Variants in PDIA5 observed in about 807,000 individuals in gnomAD.
PDIA5 encodes protein disulfide-isomerase A5.
PDIA5 carries 58 observed loss-of-function variants against 77.6 expected under a neutral mutation model. The observed-to-expected ratio is 0.75, with a 90% CI of 0.61 to 0.93. The LOEUF is 0.93. Ranked by LOEUF, PDIA5 falls within the 40% of genes least tolerant of loss-of-function variation. PDIA5 has a pLI of 0.00. For synonymous variants in PDIA5, 250 were observed against 252.1 expected (o/e 0.99, Z 0.08); for missense variants, 630 against 647.7 (o/e 0.97, Z 0.30).
At chr3:123,149,090 G>C (rs567065678) in intron 13 of PDIA5, among the ~76,000 whole-genome samples, 21 of 152,338 alleles carry the variant, frequency 1.4e-4, no homozygotes, top group African/African-American at 4.3e-4. Flanking sequence ...CAGGGAGGAA[G>C]GCTGGGAGGG....
At chr3:123,078,349 C>A (rs1237172502) in intron 1 of PDIA5, among the ~76,000 whole-genome samples, 2 of 152,120 alleles carry the variant, frequency 1.3e-5, no homozygotes, top group Non-Finnish European at 2.9e-5. Flanking sequence ...ATCAGAAGGC[C>A]CATGCAAGAG....
rs1376522170 is a variant in PDIA5 at position 123,124,161 on chromosome 3, C to T, written c.701+4C>T. On this transcript the variant is annotated splice_donor_region_variant and intron_variant, in intron 9 of 16. Coordinates refer to ENST00000316218, the MANE Select transcript of PDIA5 (RefSeq NM_006810.4). ...TCCCCACCATCTGCTATTTTGAGTA[C>T]GTCCCCCACTTTCCTTCTAAAGCTC... 4.3e-6 allele frequency: 7 copies of T among 1,609,834 alleles called. No homozygotes were observed. Among genetic ancestry groups the T allele is most frequent in the East Asian group, 2.2e-5 (1 of 44,884 alleles).
intron 8 of PDIA5, 129 bp from the exon 9 acceptor site, chr3:123,123,937 T>G: frequency 1.5e-6 from 1 of 666,256 alleles, no homozygotes; most frequent in Non-Finnish European, 2.7e-6. Flanking sequence ...GCAGCCCTGA[T>G]GCACATCAGT....
At chr3:123,110,408 G>C (rs1934832600) in intron 6 of PDIA5, among the ~76,000 whole-genome samples, 1 of 152,158 alleles carries the variant, frequency 6.6e-6, no homozygotes, top group Admixed American at 6.5e-5. Flanking sequence ...CTGGAGCCTG[G>C]GGAGAGATTA....
intron 3 of PDIA5, among the ~76,000 whole-genome samples, chr3:123,094,385 A>C (rs1201067126): frequency 2.0e-5 from 3 of 152,252 alleles, no homozygotes; most frequent in Non-Finnish European, 4.4e-5. Context: ...GAGTAGCCCA[A>C]GGTTCAGAAC....
chr3:123,104,472 A>C (rs1934684083), intron 5 of PDIA5, among the ~76,000 whole-genome samples: 1 of 152,184 alleles, frequency 6.6e-6, no homozygotes, highest in African/African-American at 2.4e-5. Context: ...CCCCGACAGG[A>C]GGGGCCCATC....
At chr3:123,129,420 C>T (rs188228340) in intron 10 of PDIA5, among the ~76,000 whole-genome samples, 131 of 152,308 alleles carry the variant, frequency 8.6e-4, no homozygotes, top group Non-Finnish European at 1.4e-3. Flanking sequence ...TACCCGGCTG[C>T]GGAGGGAAGT....
rs1934625998 is a variant in PDIA5 at position 123,102,481 on chromosome 3, T to C, written c.328T>C (p.Leu110=). The part of the protein sequence containing the change: ...DLSPKDKKVE[L]FHYQDGAFHT... ...GAGCCCGAAGGACAAAAAGGTTGAA[T>C]TATTCCATTACCAGTAAGTACACAT... Residue 110 remains leucine, a synonymous_variant, in exon 4 of 17, where the codon TTA becomes CTA. Coordinates refer to ENST00000316218, the MANE Select transcript of PDIA5 (RefSeq NM_006810.4). 1 of 1,613,108 alleles carries C rather than the reference T, an allele frequency of 6.2e-7. No homozygotes were observed. The highest frequency in any genetic ancestry group is 8.5e-7 in the Non-Finnish European group (1 of 1,178,998).
At position 123,102,448 on chromosome 3, in the gene PDIA5, G is replaced by A. The variant is rs1934624799; in HGVS notation, c.295G>A (p.Val99Ile). The change falls in exon 4 of 17, where the codon GTT becomes ATT. Residue 99 changes from valine (V) to isoleucine (I), a missense_variant. By Grantham distance (29) the Val-to-Ile change is conservative (BLOSUM62 3). Transcript: ENST00000316218. ...ESRKLCKKMK[V>I]DLSPKDKKVE... ...TAGAAAATTGTGCAAGAAGATGAAA[G>A]TTGACCTGAGCCCGAAGGACAAAAA... The A allele has an allele frequency of 6.2e-7, 1 of 1,613,994 alleles. No individual in the cohort carries two copies. The highest frequency in any genetic ancestry group is 8.5e-7 in the Non-Finnish European group (1 of 1,179,938).
chr3:123,119,339 A>G (rs1935056366), intron 8 of PDIA5, among the ~76,000 whole-genome samples: 1 of 152,186 alleles, frequency 6.6e-6, no homozygotes, highest in African/African-American at 2.4e-5. Flanking sequence ...TCAACATTAC[A>G]GAAAAGTCAG....
At chr3:123,085,070 T>C (rs1384632910) in intron 1 of PDIA5, among the ~76,000 whole-genome samples, 1 of 152,192 alleles carries the variant, frequency 6.6e-6, no homozygotes, top group Non-Finnish European at 1.5e-5. Context: ...TGAGCTGTGG[T>C]CTGTGTGGCT....
intron 14 of PDIA5, among the ~76,000 whole-genome samples, chr3:123,151,100 C>A (rs1935882894): frequency 6.6e-6 from 1 of 152,206 alleles, no homozygotes; most frequent in Admixed American, 6.5e-5. Flanking sequence ...AGCTGGCCCT[C>A]CTGTTGGCTC....
chr3:123,155,319 C>G (rs1270053916), intron 15 of PDIA5, among the ~76,000 whole-genome samples: 2 of 152,060 alleles, frequency 1.3e-5, no homozygotes, highest in African/African-American at 2.4e-5. Context: ...GTGTTTGAAC[C>G]TTTTTACTGT....
Position 123,151,963 on chromosome 3 carries a change from G to T in PDIA5, c.1273+1599G>T, listed in dbSNP as rs771000732. 7.1e-3 allele frequency among the ~76,000 whole-genome samples: 759 copies of T among 106,196 alleles called. 13 individuals are homozygous for T. Among genetic ancestry groups the T allele is most frequent in the African/African-American group, 0.026 (660 of 25,266 alleles). 69.7% of individuals were successfully genotyped at this position (106,196 alleles called of 152,430 possible). A position where few individuals can be genotyped will look rare whatever the true frequency, so the allele number is the denominator to read the frequency against. ...TTCCTGCCTGCCTTCCTTCCTGCCT[G>T]CCTTCCTTCCTGCCTTCCTTCCTGC... On this transcript the variant is annotated intron_variant, in intron 14 of 16. Coordinates refer to ENST00000316218, the MANE Select transcript of PDIA5 (RefSeq NM_006810.4).
chr3:123,136,621 CCCA>C, intron 11 of PDIA5, among the ~76,000 whole-genome samples: 1 of 150,786 alleles, frequency 6.6e-6, no homozygotes. Flanking sequence ...CGCCTGTAGT[CCCA>C]GCTACTTGGG....
chr3:123,155,336 G>A (rs774548127), intron 15 of PDIA5, among the ~76,000 whole-genome samples: 1 of 152,216 alleles, frequency 6.6e-6, no homozygotes, highest in Non-Finnish European at 1.5e-5. Context: ...CTGTAGGATT[G>A]TCATCATGCA....
intron 5 of PDIA5, among the ~76,000 whole-genome samples, chr3:123,104,490 G>A (rs983481745): frequency 3.9e-5 from 6 of 152,252 alleles, no homozygotes; most frequent in African/African-American, 1.4e-4. Context: ...ATCACCTGCA[G>A]GCCCATGTTC....
chr3:123,070,607 C>A (rs919979773), intron 1 of PDIA5, among the ~76,000 whole-genome samples: 4 of 152,186 alleles, frequency 2.6e-5, no homozygotes, highest in Non-Finnish European at 5.9e-5. Flanking sequence ...GCCCTCCCTG[C>A]CAAGTGCTCC....
At chr3:123,069,605 C>T (rs139238727) in intron 1 of PDIA5, among the ~76,000 whole-genome samples, 17 of 152,276 alleles carry the variant, frequency 1.1e-4, no homozygotes, top group Non-Finnish European at 1.6e-4. Flanking sequence ...AGACTCTTGA[C>T]TTCTCACTGT....
Sources: gnomAD v4.1 joint callset for allele counts (sites outside exome capture counted in the v4.1 genomes callset) on GRCh38, gnomAD v4.1.1 for gene constraint, MANE v1.5 for transcripts, NCBI Gene and HGNC (gene_info 2026-07-23, HGNC 2026-07-21) for gene names.